The following CDH12 variants were observed in gnomAD, a reference collection of about 807,000 sequenced individuals.
CDH12 encodes cadherin-12.
Under a neutral mutation model 74.1 loss-of-function variants are expected in CDH12, and 41 were observed. The ratio of observed to expected loss-of-function variants is 0.55; its 90% CI spans 0.43 to 0.72. The LOEUF is 0.72. Ranked by LOEUF, CDH12 falls within the 30% of genes least tolerant of loss-of-function variation. CDH12 has a pLI of 0.00. For missense variants in CDH12, 945 were observed against 977.2 expected, an observed-to-expected ratio of 0.97 and a Z score of 0.44; for synonymous variants, 399 against 355.0, an observed-to-expected ratio of 1.12 and a Z score of -1.39.
chr5:22,744,369 C>A (rs894378797), intron 1 of CDH12, among the ~76,000 whole-genome samples: 9 of 151,750 alleles, frequency 5.9e-5, no homozygotes, highest in African/African-American at 2.2e-4. Flanking sequence ...GCAGAGGTTG[C>A]AGTGAGCTGA....
At chr5:22,752,574 CT>C (rs1312937004) in intron 1 of CDH12, among the ~76,000 whole-genome samples, 1 of 26,944 alleles carries the variant, frequency 3.7e-5, no homozygotes, top group African/African-American at 1.2e-4. Context: ...TTTTTTTTTT[CT>C]TTTTTTTTTT....
chr5:22,701,114 A>G (rs1742692569), intron 1 of CDH12, among the ~76,000 whole-genome samples: 1 of 152,036 alleles, frequency 6.6e-6, no homozygotes, highest in Non-Finnish European at 1.5e-5. Flanking sequence ...GTATGCCCCA[A>G]ACTTGCAAAT....
At chr5:22,433,153 G>A (rs949287491) in intron 2 of CDH12, among the ~76,000 whole-genome samples, 12 of 152,080 alleles carry the variant, frequency 7.9e-5, no homozygotes, top group African/African-American at 2.9e-4. Flanking sequence ...CCTGTGCTCA[G>A]CCCTGTGTTT....
At chr5:22,028,324 C>T (rs900107208) in intron 5 of CDH12, among the ~76,000 whole-genome samples, 26 of 152,028 alleles carry the variant, frequency 1.7e-4, no homozygotes, top group Admixed American at 1.6e-3. Flanking sequence ...TCAAATTGTC[C>T]CTGTTTGCAG....
At chr5:21,827,738 A>G (rs979869658) in intron 8 of CDH12, among the ~76,000 whole-genome samples, 2 of 152,160 alleles carry the variant, frequency 1.3e-5, no homozygotes, top group Non-Finnish European at 2.9e-5. Context: ...GATTTTCAGA[A>G]AAATTGGGGT....
At chr5:22,139,934 T>C (rs1316340854) in intron 4 of CDH12, among the ~76,000 whole-genome samples, 2 of 152,012 alleles carry the variant, frequency 1.3e-5, no homozygotes, top group African/African-American at 4.8e-5. Flanking sequence ...CTTGGCACTT[T>C]CCTGCCAGTT....
At chr5:22,693,008 TTTTTA>T (rs1048678299) in intron 1 of CDH12, among the ~76,000 whole-genome samples, 1 of 151,356 alleles carries the variant, frequency 6.6e-6, no homozygotes, top group African/African-American at 2.4e-5. Context: ...CTTTGTTTTC[TTTTTA>T]ATTTCTTTTT....
chr5:22,402,469 T>C (rs1254136670), intron 3 of CDH12, among the ~76,000 whole-genome samples: 1 of 152,194 alleles, frequency 6.6e-6, no homozygotes, highest in African/African-American at 2.4e-5. Flanking sequence ...TGTTCTACTA[T>C]CAAGTAGAAA....
intron 3 of CDH12, among the ~76,000 whole-genome samples, chr5:22,287,036 G>A (rs1232045713): frequency 1.3e-5 from 2 of 152,186 alleles, no homozygotes; most frequent in Admixed American, 1.3e-4. Flanking sequence ...TGTTCCAATG[G>A]AGGAGGCCTT....
At chr5:21,847,775 C>A (rs1469535282) in intron 7 of CDH12, among the ~76,000 whole-genome samples, 1 of 152,098 alleles carries the variant, frequency 6.6e-6, no homozygotes, top group Admixed American at 6.6e-5. Flanking sequence ...ACTGTTCTGT[C>A]TAGCATACAT....
At chr5:22,048,117 C>A (rs1022026128) in intron 5 of CDH12, among the ~76,000 whole-genome samples, 1 of 152,142 alleles carries the variant, frequency 6.6e-6, no homozygotes, top group Admixed American at 6.6e-5. Flanking sequence ...ATTGGTCATG[C>A]ATTGGGTACA....
At chr5:22,120,698 C>T (rs1745458310) in intron 4 of CDH12, among the ~76,000 whole-genome samples, 1 of 152,014 alleles carries the variant, frequency 6.6e-6, no homozygotes, top group South Asian at 2.1e-4. Context: ...TTGTTTTTGA[C>T]ATGATTTTGT....
At chr5:22,336,525 G>T (rs988641831) in intron 3 of CDH12, among the ~76,000 whole-genome samples, 1 of 152,198 alleles carries the variant, frequency 6.6e-6, no homozygotes, top group Non-Finnish European at 1.5e-5. Flanking sequence ...TTAGGGACTT[G>T]GTGCCTGGCT....
At chr5:22,818,973 G>T (rs1473129415) in intron 1 of CDH12, among the ~76,000 whole-genome samples, 1 of 152,054 alleles carries the variant, frequency 6.6e-6, no homozygotes, top group South Asian at 2.1e-4. Flanking sequence ...TGGTTTCAAG[G>T]TAATTGTTTA....
chr5:22,588,136 C>A (rs72637709), intron 1 of CDH12, among the ~76,000 whole-genome samples: 8,973 of 150,676 alleles, frequency 0.06, 393 homozygotes, highest in East Asian at 0.22. Context: ...ACTCAAGGAC[C>A]ATTTATTCTA....
intron 4 of CDH12, among the ~76,000 whole-genome samples, chr5:22,162,427 GGT>G (rs1748407858): frequency 6.6e-6 from 1 of 152,028 alleles, no homozygotes; most frequent in African/African-American, 2.4e-5. Flanking sequence ...TCCTTATTTT[GGT>G]GTTACATTAA....
At chr5:22,845,624 A>G (rs1737266276) in intron 1 of CDH12, among the ~76,000 whole-genome samples, 1 of 152,178 alleles carries the variant, frequency 6.6e-6, no homozygotes, top group Non-Finnish European at 1.5e-5. Flanking sequence ...TCTTCTGCAG[A>G]AGAAAGTGCT....
At chr5:21,893,768 GT>G (rs1168028776) in intron 6 of CDH12, among the ~76,000 whole-genome samples, 2 of 152,040 alleles carry the variant, frequency 1.3e-5, no homozygotes, top group African/African-American at 4.8e-5. Flanking sequence ...TCTACTTCTG[GT>G]TTTGAAGCCC....
intron 8 of CDH12, among the ~76,000 whole-genome samples, chr5:21,839,778 C>A (rs181449812): frequency 6.6e-6 from 1 of 152,182 alleles, no homozygotes; most frequent in East Asian, 1.9e-4. Context: ...AAATGACTGC[C>A]TAGTGACTTA....
Sources: gnomAD v4.1 joint callset for allele counts (sites outside exome capture counted in the v4.1 genomes callset) on GRCh38, gnomAD v4.1.1 for gene constraint, MANE v1.5 for transcripts, NCBI Gene and HGNC (gene_info 2026-07-23, HGNC 2026-07-21) for gene names.